PSMF1: variants seen among roughly 807,000 people sequenced by gnomAD.
The protein encoded by PSMF1 is proteasome inhibitor PI31 subunit.
Under a neutral mutation model 29.3 loss-of-function variants are expected in PSMF1, and 30 were observed. That is an observed-to-expected ratio of 1.02 (90% CI 0.77 to 1.39). The LOEUF (loss-of-function observed/expected upper bound fraction) is 1.39, where lower values mean the gene tolerates loss of function less well. Ranked by LOEUF, PSMF1 falls within the 40% of genes most tolerant of loss-of-function variation. The pLI, the probability that PSMF1 is intolerant of heterozygous loss-of-function variation, is 0.00. For synonymous variants in PSMF1, 134 were observed against 139.7 expected (o/e 0.96, Z 0.29); for missense variants, 344 against 357.5 (o/e 0.96, Z 0.31).
intron 4 of PSMF1, among the ~76,000 whole-genome samples, chr20:1,149,263 G>C (rs559159058): frequency 2.1e-4 from 32 of 152,264 alleles, no homozygotes; most frequent in Admixed American, 7.8e-4. Flanking sequence ...TTTTTGTAAG[G>C]GTTAGTTGTA....
In PSMF1 at chr20:1,149,788, C is replaced by T. The variant is rs571343210; in HGVS notation, c.552-13342C>T. Among the ~76,000 whole-genome samples the T allele has an allele frequency of 3.3e-5, 5 of 152,270 alleles. No individual in the cohort carries two copies. In the East Asian group the frequency reaches 9.6e-4, roughly 29 times the overall value. On this transcript the variant is annotated intron_variant, in intron 4 of 6. Transcript: ENST00000335877. The stretch of plus-strand genomic sequence containing the variant: ...TGGTGGCCCACACCTGTAATCCCAG[C>T]ACTTCAGGAGACTGAGACAAGTGAA...
At chr20:1,120,321 G>A (rs2086070660) in intron 1 of PSMF1, among the ~76,000 whole-genome samples, 1 of 152,106 alleles carries the variant, frequency 6.6e-6, no homozygotes, top group Non-Finnish European at 1.5e-5. Context: ...GACTAGATAT[G>A]AGGATGGAAA....
At position 1,118,899 on chromosome 20, in the gene PSMF1, C is replaced by T; in HGVS notation, c.126C>T (p.Asp42=). 2 of 1,613,892 alleles carry T rather than the reference C, an allele frequency of 1.2e-6. No homozygotes were observed. The highest frequency in any genetic ancestry group is 1.7e-5 in the Admixed American group (1 of 60,014). ...GTTACTTCGGCTTGGGTGTCGGTGA[C>T]CAGGTACGCCACGGAGCCGGCCAGG... The part of the protein sequence containing the change: ...THGYFGLGVG[D]QPGPNDKKSE... The change falls in exon 1 of 7, where the codon GAC becomes GAT. Residue 42 remains aspartate (D), a synonymous_variant. Coordinates refer to ENST00000335877, the MANE Select transcript of PSMF1 (RefSeq NM_006814.5).
rs1205348452 is a variant in PSMF1, at chr20:1,166,347, A to G, written c.*1267A>G. ...TAGTCACTTCCGCTCTGCAGCTAGC[A>G]TTTCAACCATATGTGGATCCTTTCA... On this transcript the variant is annotated 3_prime_UTR_variant, in exon 7 of 7. Coordinates refer to ENST00000335877, the MANE Select transcript of PSMF1 (RefSeq NM_006814.5). 2 of 1,294,138 alleles carry G rather than the reference A, an allele frequency of 1.5e-6. No homozygotes were observed. The highest frequency in any genetic ancestry group is 1.9e-5 in the Admixed American group (1 of 52,536). The allele number at this position is 1,294,138 out of a possible 1,614,324, so 80.2% of individuals were successfully genotyped here. A position where few individuals can be genotyped will look rare whatever the true frequency, so the allele number is the denominator to read the frequency against.
Position 1,121,148 on chromosome 20 carries a change from G to A in PSMF1, c.129+2246G>A, listed in dbSNP as rs1003356155. ...TAATAGTTTTTTTTTTTTTTAAAAA[G>A]GTCCTTGACCAATTCCCCAAGGTCC... On this transcript the variant is annotated intron_variant, in intron 1 of 6. Coordinates refer to ENST00000335877, the MANE Select transcript of PSMF1 (RefSeq NM_006814.5). Among the ~76,000 whole-genome samples the A allele has an allele frequency of 2.6e-5, 4 of 151,270 alleles. No individual in the cohort carries two copies. The East Asian group carries it at 5.8e-4, about 22-fold the overall frequency.
At chr20:1,151,145 G>A (rs73890706) in intron 4 of PSMF1, among the ~76,000 whole-genome samples, 3,080 of 152,078 alleles carry the variant, frequency 0.02, 113 homozygotes, top group African/African-American at 0.071. Context: ...TTTTTCCTGT[G>A]GATAGCAAAG....
At chr20:1,137,917 C>T (rs1475312224) in intron 4 of PSMF1, among the ~76,000 whole-genome samples, 1 of 152,100 alleles carries the variant, frequency 6.6e-6, no homozygotes, top group Non-Finnish European at 1.5e-5. Flanking sequence ...CAGCCCCCGC[C>T]AAAAGAGTAA....
At position 1,163,086 on chromosome 20, in the gene PSMF1, T is replaced by C; in HGVS notation, c.552-44T>C. On this transcript the variant is annotated intron_variant, in intron 4 of 6. Transcript: ENST00000335877. This position sits in a 1 kb window ranked among gnomAD's most constrained non-coding sequence, Gnocchi z 6.1. ...TGTGATCCCACATGTATCAGGTGCC[T>C]GGCTGCTCTGGGACTTGCAGTAATT... 1 of 1,609,164 alleles carries C rather than the reference T, an allele frequency of 6.2e-7. No homozygotes were observed. Among genetic ancestry groups the C allele is most frequent in the Non-Finnish European group, 8.5e-7 (1 of 1,176,090 alleles).
chr20:1,169,401 C>T lies in PSMF1; in HGVS notation c.*4321C>T, dbSNP rs527406598. Among the ~76,000 whole-genome samples, 15 of 152,152 alleles carry T rather than the reference C, an allele frequency of 9.9e-5. No homozygotes were observed. The highest frequency in any genetic ancestry group is 1.8e-4 in the Non-Finnish European group (12 of 68,024). On this transcript the variant is annotated 3_prime_UTR_variant, in exon 7 of 7. Coordinates refer to ENST00000335877, the MANE Select transcript of PSMF1 (RefSeq NM_006814.5). ...AAGGCCCAGCCCTTGCTTGGAGGAA[C>T]GTGAGGCTGATGGTGCAGTGCAATA... is the stretch of plus-strand genomic sequence containing the variant.
Position 1,149,847 on chromosome 20 carries a change from G to A in PSMF1, c.552-13283G>A, listed in dbSNP as rs145735487. Among the ~76,000 whole-genome samples the A allele has an allele frequency of 5.4e-3, 827 of 152,290 alleles. 4 individuals carry two copies. The highest frequency in any genetic ancestry group is 0.019 in the African/African-American group (785 of 41,530). ...GCCTAGAAGTTTGAGACCAGCCTGG[G>A]CAACATGGTGAAACTCTGTCTCTAT... On this transcript the variant is annotated intron_variant, in intron 4 of 6. Coordinates refer to ENST00000335877, the MANE Select transcript of PSMF1 (RefSeq NM_006814.5).
chr20:1,156,448 T>G (rs1356227340), intron 4 of PSMF1, among the ~76,000 whole-genome samples: 1 of 151,982 alleles, frequency 6.6e-6, no homozygotes, highest in Non-Finnish European at 1.5e-5. Context: ...CCTAAAGAAT[T>G]CCATGCCCAA....
chr20:1,170,077 A>AT lies in PSMF1; in HGVS notation c.*4998dup, dbSNP rs569631475. ...TTGACAAGTTCCTTTTGTGAGTCCT[A>AT]TGATCATGCAAGTTTGAGAACTGAG... On this transcript the variant is annotated 3_prime_UTR_variant, in exon 7 of 7. Coordinates refer to ENST00000335877, the MANE Select transcript of PSMF1 (RefSeq NM_006814.5). 4.9e-4 allele frequency among the ~76,000 whole-genome samples: 75 copies of AT among 152,280 alleles called. No individual in the cohort carries two copies. Among genetic ancestry groups the AT allele is most frequent in the Admixed American group, 1.2e-3 (18 of 15,296 alleles).
Position 1,163,391 on chromosome 20 carries a change from G to A in PSMF1, c.605+208G>A, listed in dbSNP as rs60444594. Among the ~76,000 whole-genome samples, 575 of 152,338 alleles carry A rather than the reference G, an allele frequency of 3.8e-3. 5 individuals carry two copies. Among genetic ancestry groups the A allele is most frequent in the African/African-American group, 0.013 (549 of 41,572 alleles). On this transcript the variant is annotated intron_variant, in intron 5 of 6. Transcript: ENST00000335877. The surrounding 1 kb of genome is among the most constrained non-coding windows in gnomAD (Gnocchi z 6.1). Reference sequence around the variant, plus strand: ...GGAGAGCACTGAGTGTTGGCAGGGAGGTGAACAAGCCTAGCAGGCAGCTCT... The same window carrying A: ...GGAGAGCACTGAGTGTTGGCAGGGAAGTGAACAAGCCTAGCAGGCAGCTCT...
chr20:1,132,392 C>T (rs1460964030), intron 3 of PSMF1, among the ~76,000 whole-genome samples: 4 of 151,962 alleles, frequency 2.6e-5, no homozygotes, highest in Admixed American at 6.6e-5. Flanking sequence ...TCTCCTGCCT[C>T]AACCTTCTGA....
intron 1 of PSMF1, among the ~76,000 whole-genome samples, chr20:1,119,538 C>T (rs1476832285): frequency 1.3e-5 from 2 of 152,174 alleles, no homozygotes; most frequent in African/African-American, 4.8e-5. Flanking sequence ...GAGTCGTACA[C>T]ACATACACCC....
chr20:1,167,783 C>T lies in PSMF1; in HGVS notation c.*2703C>T, dbSNP rs1568487127. The stretch of plus-strand genomic sequence containing the variant: ...CTATTATGAGTAATGCAGCCAAGAA[C>T]ATTTGTGTACCAGTTTTTGAGTTTT... On this transcript the variant is annotated 3_prime_UTR_variant, in exon 7 of 7. Coordinates refer to ENST00000335877, the MANE Select transcript of PSMF1 (RefSeq NM_006814.5). 6.6e-6 allele frequency: 1 copy of T among 152,182 alleles called. No individual in the cohort carries two copies. The highest frequency in any genetic ancestry group is 6.5e-5 in the Admixed American group (1 of 15,278). The allele number at this position is 152,182 out of a possible 1,614,324, so 9.4% of individuals were successfully genotyped here.
In PSMF1 at chr20:1,125,753, G is replaced by A. The variant is rs527787831; in HGVS notation, c.282+103G>A. On this transcript the variant is annotated intron_variant, in intron 2 of 6. Transcript: ENST00000335877. Reference sequence around the variant, plus strand: ...AATCCAGAGCTTCAATGTTCATGTAGCCCTTACCTAGTGATCCCACTTCTG... The same window carrying A: ...AATCCAGAGCTTCAATGTTCATGTAACCCTTACCTAGTGATCCCACTTCTG... The A allele has an allele frequency of 1.1e-4, 152 of 1,424,364 alleles. No individual in the cohort carries two copies. In the African/African-American group the frequency reaches 2.0e-3, roughly 19 times the overall value. The allele number at this position is 1,424,364 out of a possible 1,614,324, so 88.2% of individuals were successfully genotyped here.
chr20:1,164,954 G>T lies in PSMF1; in HGVS notation c.765-75G>T. 2 of 1,306,938 alleles carry T rather than the reference G, an allele frequency of 1.5e-6. No individual in the cohort carries two copies. The highest frequency in any genetic ancestry group is 2.2e-6 in the Non-Finnish European group (2 of 901,316). 81.0% of individuals were successfully genotyped at this position (1,306,938 alleles called of 1,614,324 possible). A position where few individuals can be genotyped will look rare whatever the true frequency, so the allele number is the denominator to read the frequency against. On this transcript the variant is annotated intron_variant, in intron 6 of 6. Transcript: ENST00000335877. The surrounding 1 kb of genome is among the most constrained non-coding windows in gnomAD (Gnocchi z 4.1). ...TCATGTTGAAGGGCAGGCTCCCTCA[G>T]TGCAGGGTCATGTCTGCCCATGTTC...
At chr20:1,124,036 G>C (rs780023043) in intron 1 of PSMF1, among the ~76,000 whole-genome samples, 7 of 152,096 alleles carry the variant, frequency 4.6e-5, no homozygotes, top group Non-Finnish European at 1.0e-4. Flanking sequence ...CATTTTCCAG[G>C]CATTCCCTTT....
Sources: allele counts gnomAD v4.1 joint callset (sites outside exome capture counted in the v4.1 genomes callset), GRCh38; gene constraint gnomAD v4.1.1; non-coding constraint Gnocchi (gnomAD v3.1); transcripts MANE v1.5; gene names NCBI Gene and HGNC (gene_info 2026-07-23, HGNC 2026-07-21).